Variants in WDR7 observed in about 807,000 individuals in gnomAD.
The protein encoded by WDR7 is WD repeat domain 7, also known as WD repeat-containing protein 7.
In WDR7, 46 loss-of-function variants were observed where a neutral mutation model predicts 169.4. The observed-to-expected ratio is 0.27, with a 90% CI of 0.21 to 0.35. The LOEUF is 0.35. Among genes scored for constraint, WDR7 ranks in the 10% least tolerant of loss-of-function variants. WDR7 has a pLI of 1.00. For synonymous variants in WDR7, 612 were observed against 666.8 expected (o/e 0.92, Z 1.27); for missense variants, 1,534 against 1,859.3 (o/e 0.83, Z 3.22).
intron 13 of WDR7, among the ~76,000 whole-genome samples, chr18:56,730,782 A>T (rs905703140): frequency 1.3e-5 from 2 of 152,106 alleles, no homozygotes; most frequent in Non-Finnish European, 2.9e-5. Context: ...ATAAAAAATA[A>T]AAAATAAATA....
intron 26 of WDR7, among the ~76,000 whole-genome samples, chr18:57,006,217 AT>A (rs2048056170): frequency 6.6e-6 from 1 of 152,210 alleles, no homozygotes; most frequent in Non-Finnish European, 1.5e-5. Flanking sequence ...GATAGTAATT[AT>A]GAGCAGATTA....
chr18:56,819,209 C>T (rs2045037753), intron 20 of WDR7, among the ~76,000 whole-genome samples: 1 of 152,136 alleles, frequency 6.6e-6, no homozygotes, highest in African/African-American at 2.4e-5. Context: ...AGTAAAGACA[C>T]ATGGATTAAG....
chr18:56,797,427 T>C (rs983131868), intron 19 of WDR7, among the ~76,000 whole-genome samples: 1 of 152,144 alleles, frequency 6.6e-6, no homozygotes, highest in Admixed American at 6.5e-5. Flanking sequence ...TCTTCTCTAA[T>C]TGATTCATTC....
intron 20 of WDR7, among the ~76,000 whole-genome samples, chr18:56,864,142 G>A (rs368531521): frequency 1.3e-5 from 2 of 151,662 alleles, no homozygotes; most frequent in East Asian, 3.9e-4. Context: ...AAAAGAAAAA[G>A]CATCAAATGG....
At position 56,758,970 on chromosome 18, in the gene WDR7, TTAAG is replaced by T; in HGVS notation, c.2848+21_2848+24del. ...TTAAACAAGGTAAAATTAAATCTTATTAAGTAATTGACATGACATTTCAGCTCTA... is the reference window on the plus strand; with the variant it reads ...TTAAACAAGGTAAAATTAAATCTTATTAATTGACATGACATTTCAGCTCTA... On this transcript the variant is annotated intron_variant, in intron 16 of 27. Transcript: ENST00000254442. 10 of 1,592,576 alleles carry T rather than the reference TTAAG, an allele frequency of 6.3e-6. No individual in the cohort carries two copies. Among genetic ancestry groups the T allele is most frequent in the Non-Finnish European group, 8.6e-6 (10 of 1,163,786 alleles).
At chr18:56,845,830 A>C (rs1271104994) in intron 20 of WDR7, among the ~76,000 whole-genome samples, 1 of 152,222 alleles carries the variant, frequency 6.6e-6, no homozygotes, top group African/African-American at 2.4e-5. Flanking sequence ...ATCGACAAAG[A>C]AACAATTGTT....
At chr18:56,712,301 T>G (rs1004628084) in intron 12 of WDR7, among the ~76,000 whole-genome samples, 1 of 152,172 alleles carries the variant, frequency 6.6e-6, no homozygotes, top group African/African-American at 2.4e-5. Context: ...GTAAAATGTG[T>G]AAGGTCAGAC....
At chr18:56,835,842 T>C (rs2045386672) in intron 20 of WDR7, among the ~76,000 whole-genome samples, 1 of 152,180 alleles carries the variant, frequency 6.6e-6, no homozygotes, top group African/African-American at 2.4e-5. Flanking sequence ...AAAGTTGGTT[T>C]GGGATAAAAA....
chr18:56,762,897 ATTT>A (rs34582934), intron 16 of WDR7, among the ~76,000 whole-genome samples: 4 of 143,048 alleles, frequency 2.8e-5, no homozygotes, highest in Non-Finnish European at 3.1e-5. Flanking sequence ...CTTAGTAAGA[ATTT>A]TTTTTTTTTT....
intron 19 of WDR7, among the ~76,000 whole-genome samples, chr18:56,789,530 T>G (rs1032684396): frequency 6.6e-6 from 1 of 152,072 alleles, no homozygotes; most frequent in African/African-American, 2.4e-5. Flanking sequence ...AAGCAAGGAG[T>G]GAAGCATGTG....
chr18:57,035,777 C>T, the WDR7 span: 1 of 152,226 alleles, frequency 6.6e-6, no homozygotes, highest in African/African-American at 2.4e-5. Context: ...AGAGACCAGA[C>T]CTGCAGAGAT....
At chr18:56,749,991 A>C (rs1489574873) in intron 14 of WDR7, among the ~76,000 whole-genome samples, 1 of 151,450 alleles carries the variant, frequency 6.6e-6, no homozygotes, top group South Asian at 2.1e-4. Context: ...TTGTTGCTGG[A>C]GGCTACTGTG....
Position 56,738,047 on chromosome 18 carries a change from A to C in WDR7, c.1989+6450A>C, listed in dbSNP as rs527872924. Among the ~76,000 whole-genome samples, 5 of 152,294 alleles carry C rather than the reference A, an allele frequency of 3.3e-5. No individual in the cohort carries two copies. In the East Asian group the frequency reaches 9.6e-4, roughly 29 times the overall value. On this transcript the variant is annotated intron_variant, in intron 14 of 27. Transcript: ENST00000254442. ...TTTTAAATTACGCCAATTGTTGTCT[A>C]GTCCCTAATAAATAAAGGAGCCTTA...
chr18:56,916,640 T>A (rs928586133), intron 21 of WDR7, among the ~76,000 whole-genome samples: 4 of 152,200 alleles, frequency 2.6e-5, no homozygotes, highest in Non-Finnish European at 4.4e-5. Context: ...AACTATTTTT[T>A]AAAAAAACTG....
chr18:56,782,899 A>G (rs2145078855), intron 19 of WDR7, among the ~76,000 whole-genome samples: 1 of 152,266 alleles, frequency 6.6e-6, no homozygotes, highest in Middle Eastern at 3.4e-3. Flanking sequence ...ATAGGACTTT[A>G]TAGGGTTATT....
At chr18:56,784,698 A>G (rs1032247332) in intron 19 of WDR7, among the ~76,000 whole-genome samples, 1 of 152,168 alleles carries the variant, frequency 6.6e-6, no homozygotes, top group African/African-American at 2.4e-5. Context: ...AAATTGTAAG[A>G]AAATGACTCT....
chr18:56,673,766 G>A (rs562197520), intron 2 of WDR7, among the ~76,000 whole-genome samples: 1 of 152,002 alleles, frequency 6.6e-6, no homozygotes, highest in South Asian at 2.1e-4. Flanking sequence ...AGCCCAGGAG[G>A]TCCAGGCTAC....
At chr18:56,900,238 C>T (rs1449317932) in intron 21 of WDR7, among the ~76,000 whole-genome samples, 2 of 151,812 alleles carry the variant, frequency 1.3e-5, no homozygotes, top group African/African-American at 4.8e-5. Context: ...CTGAATTGTA[C>T]TACTTCATGA....
intron 20 of WDR7, among the ~76,000 whole-genome samples, chr18:56,861,372 A>G (rs1269246725): frequency 6.6e-6 from 1 of 152,206 alleles, no homozygotes; most frequent in African/African-American, 2.4e-5. Flanking sequence ...TGTGTTCTGT[A>G]TTCAGCACTA....
Sources: gnomAD v4.1 joint callset for allele counts (sites outside exome capture counted in the v4.1 genomes callset) on GRCh38, gnomAD v4.1.1 for gene constraint, MANE v1.5 for transcripts, NCBI Gene and HGNC (gene_info 2026-07-23, HGNC 2026-07-21) for gene names.